Variants in CHD1 observed in about 807,000 individuals in gnomAD.
CHD1 encodes the protein chromodomain helicase DNA binding protein 1, also known as ATP-dependent chromatin remodeler CHD1.
In CHD1, 36 loss-of-function variants were observed where a neutral mutation model predicts 224.2. That is an observed-to-expected ratio of 0.16 (90% CI 0.12 to 0.21). The LOEUF is 0.21. Ranked by LOEUF, CHD1 falls within the 10% of genes least tolerant of loss-of-function variation. The probability of loss-of-function intolerance (pLI) is 1.00; values close to 1 mark genes in which losing one functional copy is unlikely to be tolerated. For missense variants in CHD1, 1,378 were observed against 1,994.8 expected, an observed-to-expected ratio of 0.69 and a Z score of 5.89; for synonymous variants, 668 against 658.3, an observed-to-expected ratio of 1.01 and a Z score of -0.23.
intron 7 of CHD1, among the ~76,000 whole-genome samples, chr5:98,900,284 A>C (rs997738288): frequency 6.7e-6 from 1 of 149,560 alleles, no homozygotes; most frequent in Non-Finnish European, 1.5e-5. Flanking sequence ...TCTGTCACAA[A>C]AAAAAAAAAA....
intron 29 of CHD1, among the ~76,000 whole-genome samples, chr5:98,870,378 T>A (rs145364999): frequency 1.9e-3 from 296 of 152,228 alleles, no homozygotes; most frequent in Non-Finnish European, 3.5e-3. Context: ...AACAGTCATG[T>A]AGGCTATGTA....
intron 33 of CHD1, among the ~76,000 whole-genome samples, chr5:98,859,396 TC>T (rs1347614605): frequency 6.6e-6 from 1 of 152,140 alleles, no homozygotes; most frequent in Middle Eastern, 3.2e-3. Flanking sequence ...TTCACATTTT[TC>T]CACTAATGTT....
chr5:98,907,877 G>T (rs1159608109), intron 2 of CHD1, among the ~76,000 whole-genome samples: 1 of 152,006 alleles, frequency 6.6e-6, no homozygotes, highest in Non-Finnish European at 1.5e-5. Context: ...TGTTTTACAT[G>T]ATTTTTTTAA....
Position 98,928,574 on chromosome 5 carries a change from G to C in CHD1, c.-184C>G, listed in dbSNP as rs1753660395. The C allele has an allele frequency of 1.3e-5, 2 of 151,842 alleles. No individual in the cohort carries two copies. The highest frequency in any genetic ancestry group is 4.8e-5 in the African/African-American group (2 of 41,298). 9.4% of individuals were successfully genotyped at this position (151,842 alleles called of 1,614,324 possible). On this transcript the variant is annotated 5_prime_UTR_variant, in exon 1 of 36. Coordinates refer to ENST00000614616, the MANE Select transcript of CHD1 (RefSeq NM_001270.4). ...GGCGGGGCGGAGGGAGCCGACTCGG[G>C]TGGACGGCCTCCCCCGCGCCCAGGC... is the stretch of plus-strand genomic sequence containing the variant.
Position 98,867,580 on chromosome 5 carries a change from A to G in CHD1, c.4248+915T>C, listed in dbSNP as rs116097863. 9.2e-3 allele frequency among the ~76,000 whole-genome samples: 1,399 copies of G among 151,448 alleles called. 16 individuals carry two copies. Among genetic ancestry groups the G allele is most frequent in the South Asian group, 0.025 (123 of 4,828 alleles). On this transcript the variant is annotated intron_variant, in intron 31 of 35. Coordinates refer to ENST00000614616, the MANE Select transcript of CHD1 (RefSeq NM_001270.4). The stretch of plus-strand genomic sequence containing the variant: ...CACATGTGTGTGTGTGTGTGTACAT[A>G]TTTATTTTTTAATGGCATTGGGAAT...
chr5:98,859,370 C>G (rs1185867496), intron 33 of CHD1, among the ~76,000 whole-genome samples: 1 of 152,034 alleles, frequency 6.6e-6, no homozygotes, highest in African/African-American at 2.4e-5. Flanking sequence ...AATTGAAGAA[C>G]AGACTTCATT....
intron 2 of CHD1, among the ~76,000 whole-genome samples, chr5:98,916,203 TAAATA>T (rs897345337): frequency 1.2e-4 from 18 of 151,516 alleles, no homozygotes; most frequent in Non-Finnish European, 4.4e-5. Context: ...AAAAAATAAA[TAAATA>T]AAAGTTCAAT....
chr5:98,879,841 C>A, intron 22 of CHD1, 113 bp from the exon 23 acceptor site: 1 of 633,526 alleles, frequency 1.6e-6, no homozygotes. Flanking sequence ...TGGCTGTGGA[C>A]TAAACCAAAT....
chr5:98,917,152 C>T (rs918611713), intron 2 of CHD1, among the ~76,000 whole-genome samples: 3 of 152,072 alleles, frequency 2.0e-5, no homozygotes, highest in Admixed American at 2.0e-4. Context: ...ACATACTTTT[C>T]CTTAGTATAA....
intron 10 of CHD1, 23 bp from the exon 11 acceptor site, chr5:98,897,343 T>G: frequency 6.8e-7 from 1 of 1,470,956 alleles, no homozygotes; most frequent in Non-Finnish European, 9.3e-7. Context: ...TAAACATTAT[T>G]ATGTAGAGTT....
At position 98,876,011 on chromosome 5, in the gene CHD1, C is replaced by T. The variant is rs113422081; in HGVS notation, c.3398+387G>A. Among the ~76,000 whole-genome samples the T allele has an allele frequency of 4.4e-3, 676 of 152,236 alleles. 3 individuals are homozygous for T. The highest frequency in any genetic ancestry group is 6.8e-3 in the Middle Eastern group (2 of 294). ...GGTTACTTTCAAAAAGGAAATTACC[C>T]TGTTGTTAAGAAACTAGAAAAATAC... is the stretch of plus-strand genomic sequence containing the variant. On this transcript the variant is annotated intron_variant, in intron 24 of 35. Transcript: ENST00000614616.
At chr5:98,866,108 AAAAAAC>A (rs898877194) in intron 31 of CHD1, among the ~76,000 whole-genome samples, 24 of 151,662 alleles carry the variant, frequency 1.6e-4, no homozygotes, top group African/African-American at 4.1e-4. Context: ...CAGAGTAGGT[AAAAAAC>A]AAAAACAAAA....
At chr5:98,917,312 CA>C (rs200366351) in intron 2 of CHD1, among the ~76,000 whole-genome samples, 959 of 66,832 alleles carry the variant, frequency 0.014, 18 homozygotes, top group African/African-American at 0.081. Flanking sequence ...AAAAAAAAAA[CA>C]ACCTCTTAAT....
rs770796179 is a variant in CHD1, at chr5:98,881,070, A to G, written c.3060+6T>C. The G allele has an allele frequency of 3.2e-6, 5 of 1,586,836 alleles. No individual in the cohort carries two copies. The African/African-American group carries it at 6.7e-5, about 21-fold the overall frequency. On this transcript the variant is annotated splice_donor_region_variant and intron_variant, in intron 22 of 35. Coordinates refer to ENST00000614616, the MANE Select transcript of CHD1 (RefSeq NM_001270.4). ...TAATTACAAGGAAAATTTTGTTTAA[A>G]TCTACCTTGAACTGGGAAAGCAATT...
chr5:98,889,184 G>C lies in CHD1; in HGVS notation c.2235C>G (p.Thr745=), dbSNP rs377125099. The change falls in exon 16 of 36, where the codon ACC becomes ACG. Residue 745 remains threonine (T), a synonymous_variant. Transcript: ENST00000614616. ...CCATCATAATGTTCAAAAAGCCTGA[G>C]GTACTGCCCTTGGAACCTTTGCTGA... ...KALSKGSKGS[T]SGFLNIMMEL... 8.1e-6 allele frequency: 13 copies of C among 1,610,360 alleles called. No homozygotes were observed. The highest frequency in any genetic ancestry group is 8.5e-6 in the Non-Finnish European group (10 of 1,177,588).
At chr5:98,869,622 G>GCGCGCGCGCGCACACACACACACA (rs1554074391) in intron 30 of CHD1, 132 bp downstream of exon 30, 1 of 676,252 alleles carries the variant, frequency 1.5e-6, no homozygotes, top group African/African-American at 2.0e-5. Flanking sequence ...ACGTGCGCGC[G>GCGCGCGCGCGCACACACACACACA]CACACACACA....
chr5:98,865,415 T>A (rs1001130968), intron 31 of CHD1, among the ~76,000 whole-genome samples: 1 of 152,210 alleles, frequency 6.6e-6, no homozygotes, highest in Non-Finnish European at 1.5e-5. Context: ...CTCTAAGTCA[T>A]GATTACTCTG....
chr5:98,872,577 C>G, intron 26 of CHD1, 22 bp from the exon 27 acceptor site: 1 of 1,603,508 alleles, frequency 6.2e-7, no homozygotes, highest in Non-Finnish European at 8.5e-7. Flanking sequence ...TTAAAAAAAC[C>G]AGTATTTTTA....
intron 7 of CHD1, 68 bp from the exon 8 acceptor site, chr5:98,899,773 A>C: frequency 9.1e-7 from 1 of 1,099,598 alleles, no homozygotes; most frequent in Non-Finnish European, 1.3e-6. Context: ...TCAACTCAAA[A>C]TTTCAATAAT....
Sources: gnomAD v4.1 joint callset for allele counts (sites outside exome capture counted in the v4.1 genomes callset) on GRCh38, gnomAD v4.1.1 for gene constraint, MANE v1.5 for transcripts, NCBI Gene and HGNC (gene_info 2026-07-23, HGNC 2026-07-21) for gene names.